ZSWIM5: variants seen among roughly 807,000 people sequenced by gnomAD.
ZSWIM5 encodes zinc finger SWIM-type containing 5.
In ZSWIM5, 55 loss-of-function variants were observed where a neutral mutation model predicts 119.6. The ratio of observed to expected loss-of-function variants is 0.46; its 90% confidence interval spans 0.37 to 0.58. ZSWIM5 has a LOEUF of 0.58. Ranked by LOEUF, ZSWIM5 falls within the 20% of genes least tolerant of loss-of-function variation. The pLI, the probability that ZSWIM5 is intolerant of heterozygous loss-of-function variation, is 0.00. For synonymous variants in ZSWIM5, 537 were observed against 606.9 expected, an observed-to-expected ratio of 0.88 and a Z score of 1.69; for missense variants, 1,193 against 1,512.8, an observed-to-expected ratio of 0.79 and a Z score of 3.51.
chr1:45,020,541 C>T (rs896997561), intron 12 of ZSWIM5, 84 bp downstream of exon 12: 50 of 1,495,678 alleles, frequency 3.3e-5, no homozygotes, highest in Non-Finnish European at 1.5e-5. Flanking sequence ...TTGGCCTATG[C>T]CCAGTCTCCC....
intron 1 of ZSWIM5, among the ~76,000 whole-genome samples, chr1:45,183,005 T>A (rs1413308299): frequency 5.4e-5 from 8 of 149,254 alleles, no homozygotes; most frequent in African/African-American, 1.5e-4. Flanking sequence ...GAAGTAAAGC[T>A]CTCCTCAGCA....
At chr1:45,204,657 G>A (rs1356754115) in intron 1 of ZSWIM5, among the ~76,000 whole-genome samples, 1 of 152,122 alleles carries the variant, frequency 6.6e-6, no homozygotes, top group Non-Finnish European at 1.5e-5. Flanking sequence ...AGAGCTAGAT[G>A]TCTGGGGTTT....
chr1:45,047,971 G>C (rs1645065157), intron 5 of ZSWIM5, among the ~76,000 whole-genome samples: 2 of 152,074 alleles, frequency 1.3e-5, no homozygotes, highest in South Asian at 2.1e-4. Flanking sequence ...TGTCTAGAAA[G>C]TACTGAGGAC....
At chr1:45,126,728 C>T (rs562560882) in intron 1 of ZSWIM5, among the ~76,000 whole-genome samples, 1 of 151,884 alleles carries the variant, frequency 6.6e-6, no homozygotes, top group Non-Finnish European at 1.5e-5. Flanking sequence ...CATAGTGAGA[C>T]TCTGTTCTCC....
chr1:45,072,197 T>A lies in ZSWIM5; in HGVS notation c.953-11950A>T, dbSNP rs571203455. On this transcript the variant is annotated intron_variant, in intron 2 of 13. Transcript: ENST00000359600. This position sits in a 1 kb window ranked among gnomAD's most constrained non-coding sequence, Gnocchi z 4.1. ...ACAAATGATATTGAGTACCTTTTCA[T>A]ATACTCATTTGCCACTTGTATGTCG... Among the ~76,000 whole-genome samples the A allele has an allele frequency of 6.6e-6, 1 of 152,134 alleles. No individual in the cohort carries two copies. Among genetic ancestry groups the A allele is most frequent in the African/African-American group, 2.4e-5 (1 of 41,362 alleles).
At chr1:45,099,226 A>C (rs1457600430) in intron 1 of ZSWIM5, among the ~76,000 whole-genome samples, 1 of 152,144 alleles carries the variant, frequency 6.6e-6, no homozygotes, top group Non-Finnish European at 1.5e-5. Flanking sequence ...TATTACCACC[A>C]ATCCCACAGA....
At chr1:45,163,957 G>A (rs1645882428) in intron 1 of ZSWIM5, among the ~76,000 whole-genome samples, 1 of 152,096 alleles carries the variant, frequency 6.6e-6, no homozygotes, top group Non-Finnish European at 1.5e-5. Flanking sequence ...TCAAATTCAG[G>A]AAATACATAG....
chr1:45,074,606 ATC>A (rs1645245056), intron 2 of ZSWIM5, among the ~76,000 whole-genome samples: 3 of 151,468 alleles, frequency 2.0e-5, no homozygotes, highest in Non-Finnish European at 4.4e-5. Flanking sequence ...TATTTGGGTC[ATC>A]TCTCTTTTTT....
intron 1 of ZSWIM5, among the ~76,000 whole-genome samples, chr1:45,115,498 C>T (rs1303997686): frequency 2.0e-5 from 3 of 149,214 alleles, no homozygotes; most frequent in African/African-American, 5.0e-5. Context: ...AGTTCCCAGA[C>T]GGGGTCGCGG....
At chr1:45,032,668 T>G (rs1644960079) in intron 11 of ZSWIM5, among the ~76,000 whole-genome samples, 1 of 151,366 alleles carries the variant, frequency 6.6e-6, no homozygotes, top group South Asian at 2.1e-4. Flanking sequence ...GTATTTTTAG[T>G]AGAGACAGGG....
In ZSWIM5 at chr1:45,058,684, C is replaced by T; in HGVS notation, c.1177G>A (p.Asp393Asn). 6.2e-7 allele frequency: 1 copy of T among 1,614,196 alleles called. No individual in the cohort carries two copies. Among genetic ancestry groups the T allele is most frequent in the South Asian group, 1.1e-5 (1 of 91,084 alleles). ...TGCCTCCAGAGTGTGAGTCGTGGGT[C>T]AGCCACAAACTGCTCAGTTATTAGT... ...LTLITEQFVA[D>N]PRLTLWRQQG... is the part of the protein sequence containing the mutation. The change falls in exon 4 of 14, where the codon GAC becomes AAC. Residue 393 changes from aspartate to asparagine, a missense_variant. Asp to Asn is a conservative substitution (Grantham distance 23). Around this residue, in one of 2 missense-constraint regions of ZSWIM5, gnomAD observed 961 missense variants for 1,290.0 expected, o/e 0.74. Transcript: ENST00000359600.
At chr1:45,138,877 T>G (rs1171152861) in intron 1 of ZSWIM5, among the ~76,000 whole-genome samples, 1 of 149,778 alleles carries the variant, frequency 6.7e-6, no homozygotes, top group Non-Finnish European at 1.5e-5. Context: ...AGAAATTTCG[T>G]TTTTCTTTTT....
Position 45,043,312 on chromosome 1 carries a change from G to A in ZSWIM5, c.1516C>T (p.Arg506Ter), listed in dbSNP as rs772056953. 8 of 1,614,016 alleles carry A rather than the reference G, an allele frequency of 5.0e-6. No individual in the cohort carries two copies. Among genetic ancestry groups the A allele is most frequent in the African/African-American group, 2.7e-5 (2 of 74,918 alleles). ...ELHWQDSHLQ[R>*]IISSDVYTAP... ...GTATAAACATCACTGCTGATTATTC[G>A]CTGTAGGTGGCTATCCTGCCAATGT... The change falls in exon 6 of 14, where the codon CGA (arginine) becomes TGA (stop). Residue 506 changes from arginine (R) to a stop codon, truncating the protein, a stop_gained. Coordinates refer to ENST00000359600, the MANE Select transcript of ZSWIM5 (RefSeq NM_020883.2). LOFTEE classifies it high-confidence loss of function.
chr1:45,050,018 G>C (rs954487165), intron 5 of ZSWIM5, among the ~76,000 whole-genome samples: 5 of 152,052 alleles, frequency 3.3e-5, no homozygotes, highest in Non-Finnish European at 5.9e-5. Flanking sequence ...AAATTTTCAT[G>C]ATTTCCTCCT....
chr1:45,168,621 C>T (rs1285431515), intron 1 of ZSWIM5, among the ~76,000 whole-genome samples: 9 of 144,672 alleles, frequency 6.2e-5, no homozygotes, highest in African/African-American at 2.3e-4. Context: ...GCTGAGATCG[C>T]GCCACTGCAC....
rs1644978651 is a variant in ZSWIM5, at chr1:45,035,682, A to T, written c.2291+6T>A. ...GAGGCAATTGGACTGGGAAAGGGCT[A>T]CCCACCTCATGGCACGTAAGGCTAA... is the stretch of plus-strand genomic sequence containing the variant. On this transcript the variant is annotated splice_donor_region_variant and intron_variant, in intron 10 of 13. Coordinates refer to ENST00000359600, the MANE Select transcript of ZSWIM5 (RefSeq NM_020883.2). 1.2e-6 allele frequency: 2 copies of T among 1,612,702 alleles called. No individual in the cohort carries two copies. Among genetic ancestry groups the T allele is most frequent in the Non-Finnish European group, 8.5e-7 (1 of 1,179,884 alleles).
At chr1:45,026,283 T>C (rs911266464) in intron 11 of ZSWIM5, among the ~76,000 whole-genome samples, 2 of 152,096 alleles carry the variant, frequency 1.3e-5, no homozygotes, top group African/African-American at 4.8e-5. Context: ...GATTCTCTCA[T>C]CTTGGCCTCC....
At chr1:45,020,552 A>C in intron 12 of ZSWIM5, 73 bp downstream of exon 12, 31 of 1,531,728 alleles carry the variant, frequency 2.0e-5, no homozygotes, top group Non-Finnish European at 2.6e-5. Context: ...CCAGTCTCCC[A>C]GAGATCTTAT....
intron 11 of ZSWIM5, among the ~76,000 whole-genome samples, chr1:45,027,228 T>A (rs2148988488): frequency 6.6e-6 from 1 of 152,132 alleles, no homozygotes; most frequent in Admixed American, 6.5e-5. Context: ...TCTGCTCTAA[T>A]TTTTGTTATC....
Sources: gnomAD v4.1 joint callset for allele counts (sites outside exome capture counted in the v4.1 genomes callset) on GRCh38, gnomAD v4.1.1 for gene constraint, gnomAD v4.1.1 regional missense constraint, Gnocchi (gnomAD v3.1) non-coding constraint, MANE v1.5 for transcripts, NCBI Gene and HGNC (gene_info 2026-07-23, HGNC 2026-07-21) for gene names.